CELF4: variants seen among roughly 807,000 people sequenced by gnomAD.
CELF4 encodes CUG-BP- and ETR-3-like factor 4.
In CELF4, 18 loss-of-function variants were observed where a neutral mutation model predicts 59.9. The observed-to-expected ratio is 0.30, with a 90% CI of 0.21 to 0.45. The LOEUF (loss-of-function observed/expected upper bound fraction) is 0.45, where lower values mean the gene tolerates loss of function less well. Ranked by LOEUF, CELF4 falls within the 20% of genes least tolerant of loss-of-function variation. The pLI, the probability that CELF4 is intolerant of heterozygous loss-of-function variation, is 1.00. For synonymous variants in CELF4, 261 were observed against 267.1 expected, an observed-to-expected ratio of 0.98 and a Z score of 0.22; for missense variants, 456 against 689.0, an observed-to-expected ratio of 0.66 and a Z score of 3.79.
rs1005764753 is a variant in CELF4 at position 37,423,984 on chromosome 18, C to T, written c.369+61541G>A. ...CTTCTAAGTCCTGGGGAGAGGTCTC[C>T]GCCACCGAGAAGCCTTCTAGGACTC... On this transcript the variant is annotated intron_variant, in intron 2 of 12. Transcript: ENST00000420428. Among the ~76,000 whole-genome samples, 4 of 148,832 alleles carry T rather than the reference C, an allele frequency of 2.7e-5. 1 individual carries two copies. The East Asian group carries it at 7.9e-4, about 30-fold the overall frequency.
chr18:37,324,070 C>A (rs897498484), intron 2 of CELF4, among the ~76,000 whole-genome samples: 5 of 152,092 alleles, frequency 3.3e-5, no homozygotes, highest in African/African-American at 1.2e-4. Context: ...CTGGCCCCAC[C>A]ACCTCTTGTA....
At chr18:37,265,895 A>C (rs1315190556) in intron 9 of CELF4, among the ~76,000 whole-genome samples, 1 of 152,134 alleles carries the variant, frequency 6.6e-6, no homozygotes, top group African/African-American at 2.4e-5. Context: ...AGGGATGATG[A>C]TGGGGTGCTG....
intron 1 of CELF4, among the ~76,000 whole-genome samples, chr18:37,544,637 A>G (rs2099980124): frequency 3.9e-5 from 6 of 152,220 alleles, no homozygotes; most frequent in African/African-American, 1.4e-4. Flanking sequence ...GTGCATGTGT[A>G]GCTACGTGAG....
chr18:37,422,332 CCT>C (rs574400617), intron 2 of CELF4, among the ~76,000 whole-genome samples: 8 of 152,226 alleles, frequency 5.3e-5, no homozygotes, highest in Non-Finnish European at 7.3e-5. Flanking sequence ...GCTGCATTTC[CCT>C]GTTTCGGCCA....
chr18:37,455,697 G>A (rs1005734549), intron 2 of CELF4, among the ~76,000 whole-genome samples: 2 of 152,200 alleles, frequency 1.3e-5, no homozygotes, highest in African/African-American at 2.4e-5. Flanking sequence ...CAGGACACAC[G>A]CTTTTAGGTC....
intron 1 of CELF4, among the ~76,000 whole-genome samples, chr18:37,526,532 G>T (rs2099963991): frequency 6.6e-6 from 1 of 152,162 alleles, no homozygotes; most frequent in African/African-American, 2.4e-5. Context: ...GTACTACTCA[G>T]CGCTTGGGAG....
At chr18:37,549,618 A>G (rs1311839403) in intron 1 of CELF4, among the ~76,000 whole-genome samples, 3 of 152,228 alleles carry the variant, frequency 2.0e-5, no homozygotes, top group Non-Finnish European at 4.4e-5. Context: ...TTCTTTATAA[A>G]AAAGGTATCA....
intron 2 of CELF4, among the ~76,000 whole-genome samples, chr18:37,392,106 G>A (rs1293333532): frequency 6.6e-6 from 1 of 152,220 alleles, no homozygotes; most frequent in Non-Finnish European, 1.5e-5. Context: ...CGATGACTCA[G>A]CTTCACACAC....
Position 37,403,591 on chromosome 18 carries a change from G to A in CELF4, c.370-81710C>T, listed in dbSNP as rs147487870. 2.2e-3 allele frequency among the ~76,000 whole-genome samples: 342 copies of A among 152,274 alleles called. 2 individuals carry two copies. The highest frequency in any genetic ancestry group is 4.3e-3 in the Non-Finnish European group (290 of 68,022). On this transcript the variant is annotated intron_variant, in intron 2 of 12. Coordinates refer to ENST00000420428, the MANE Select transcript of CELF4 (RefSeq NM_020180.4). ...TGGGTGTGTGTGCTGGCAGGGGCCC[G>A]GGTTGCTGTGCGGCCTGGCCCAGCT...
chr18:37,271,254 C>CTTTTTTTT (rs34833771), intron 7 of CELF4, among the ~76,000 whole-genome samples: 87 of 105,560 alleles, frequency 8.2e-4, no homozygotes, highest in Middle Eastern at 6.3e-3. Context: ...TCCTTCAGTC[C>CTTTTTTTT]TTTTTTTTTT....
chr18:37,414,697 C>T (rs1207413719), intron 2 of CELF4, among the ~76,000 whole-genome samples: 1 of 151,940 alleles, frequency 6.6e-6, no homozygotes, highest in Non-Finnish European at 1.5e-5. Context: ...TGGGGTTTCA[C>T]CGTGTTAGCC....
intron 10 of CELF4, among the ~76,000 whole-genome samples, chr18:37,262,004 C>T (rs2074835341): frequency 1.3e-5 from 2 of 152,164 alleles, no homozygotes; most frequent in South Asian, 2.1e-4. Flanking sequence ...CGGCTTTGGC[C>T]AGGCTCCAGC....
chr18:37,481,868 C>T (rs927189969), intron 2 of CELF4, among the ~76,000 whole-genome samples: 3 of 152,180 alleles, frequency 2.0e-5, no homozygotes, highest in South Asian at 2.1e-4. Flanking sequence ...GGTCCTGGCT[C>T]GGCCACTTAT....
At chr18:37,545,780 C>T (rs1057496775) in intron 1 of CELF4, among the ~76,000 whole-genome samples, 5 of 152,026 alleles carry the variant, frequency 3.3e-5, no homozygotes, top group African/African-American at 1.2e-4. Flanking sequence ...ACACACGGCC[C>T]TGCACTTGTG....
chr18:37,299,955 C>T (rs1193890080), intron 3 of CELF4, among the ~76,000 whole-genome samples: 3 of 152,162 alleles, frequency 2.0e-5, no homozygotes, highest in Non-Finnish European at 2.9e-5. Context: ...CAACCCCCAC[C>T]ATCTAGACCC....
chr18:37,452,188 G>A (rs2099765942), intron 2 of CELF4, among the ~76,000 whole-genome samples: 1 of 152,264 alleles, frequency 6.6e-6, no homozygotes, highest in Non-Finnish European at 1.5e-5. Context: ...GCTTGGTAAT[G>A]TAATAATGGC....
intron 2 of CELF4, among the ~76,000 whole-genome samples, chr18:37,344,939 TC>T (rs2098196312): frequency 6.6e-6 from 1 of 152,118 alleles, no homozygotes; most frequent in African/African-American, 2.4e-5. Flanking sequence ...CCCTCCCTGA[TC>T]CCATCAATGC....
chr18:37,269,461 T>A (rs562952396), intron 8 of CELF4, among the ~76,000 whole-genome samples: 1 of 152,336 alleles, frequency 6.6e-6, no homozygotes, highest in African/African-American at 2.4e-5. Context: ...AATGAGAATG[T>A]CTGGGCTTAT....
At chr18:37,402,260 A>G (rs1262692783) in intron 2 of CELF4, among the ~76,000 whole-genome samples, 5 of 152,198 alleles carry the variant, frequency 3.3e-5, no homozygotes, top group Admixed American at 3.3e-4. Flanking sequence ...TTTAATTTGC[A>G]TTCCAGTTTA....
Sources: gnomAD v4.1 joint callset for allele counts (sites outside exome capture counted in the v4.1 genomes callset) on GRCh38, gnomAD v4.1.1 for gene constraint, MANE v1.5 for transcripts, NCBI Gene and HGNC (gene_info 2026-07-23, HGNC 2026-07-21) for gene names.